INPP4B: variants seen among roughly 807,000 people sequenced by gnomAD.
INPP4B encodes the protein inositol polyphosphate 4-phosphatase type II.
INPP4B carries 55 observed loss-of-function variants against 122.5 expected under a neutral mutation model. That is an observed-to-expected ratio of 0.45 (90% CI 0.36 to 0.56). The LOEUF is 0.56. INPP4B is among the 20% of genes least tolerant of loss of function. INPP4B has a pLI of 0.00. For missense variants in INPP4B, 1,000 were observed against 1,097.7 expected, an observed-to-expected ratio of 0.91 and a Z score of 1.26; for synonymous variants, 403 against 388.7, an observed-to-expected ratio of 1.04 and a Z score of -0.43.
At chr4:142,630,829 T>C (rs1167971763) in intron 2 of INPP4B, among the ~76,000 whole-genome samples, 1 of 152,024 alleles carries the variant, frequency 6.6e-6, no homozygotes, top group Non-Finnish European at 1.5e-5. Context: ...TCTCTTTGGG[T>C]TGAGACATGA....
chr4:142,319,209 T>C (rs1475132966), intron 7 of INPP4B, among the ~76,000 whole-genome samples: 3 of 152,144 alleles, frequency 2.0e-5, no homozygotes. Flanking sequence ...AGAAGCATCC[T>C]CCCTCTGGAC....
chr4:142,839,212 C>T (rs1298418704), intron 1 of INPP4B, among the ~76,000 whole-genome samples: 5 of 152,196 alleles, frequency 3.3e-5, no homozygotes, highest in Admixed American at 2.6e-4. Flanking sequence ...AGTCCCATCA[C>T]TTTTGGAGGC....
intron 1 of INPP4B, among the ~76,000 whole-genome samples, chr4:142,830,659 C>G (rs970808140): frequency 6.6e-6 from 1 of 151,834 alleles, no homozygotes; most frequent in African/African-American, 2.4e-5. Flanking sequence ...CAGGAGGAAA[C>G]AGGATTGAAT....
chr4:142,659,958 G>C (rs1291262032), intron 2 of INPP4B, among the ~76,000 whole-genome samples: 2 of 151,512 alleles, frequency 1.3e-5, no homozygotes, highest in African/African-American at 4.9e-5. Flanking sequence ...AGGAAAACTG[G>C]ATGTTAAGGA....
chr4:142,819,317 T>C (rs1161579271), intron 1 of INPP4B, among the ~76,000 whole-genome samples: 2 of 152,156 alleles, frequency 1.3e-5, no homozygotes, highest in East Asian at 3.9e-4. Context: ...CCTGCAGAAA[T>C]TGTGCTGAGA....
At chr4:142,513,314 G>A (rs1403529158) in intron 2 of INPP4B, among the ~76,000 whole-genome samples, 2 of 152,070 alleles carry the variant, frequency 1.3e-5, no homozygotes, top group South Asian at 2.1e-4. Flanking sequence ...GGAAAGCTGG[G>A]AAGTACATAA....
At chr4:142,174,230 T>C (rs932366607) in intron 15 of INPP4B, among the ~76,000 whole-genome samples, 1 of 152,118 alleles carries the variant, frequency 6.6e-6, no homozygotes, top group Non-Finnish European at 1.5e-5. Context: ...GGTTTGTCAC[T>C]AACTAGCTTG....
At chr4:142,335,835 G>A (rs1259204679) in intron 7 of INPP4B, among the ~76,000 whole-genome samples, 3 of 152,204 alleles carry the variant, frequency 2.0e-5, no homozygotes, top group East Asian at 3.8e-4. Flanking sequence ...ATAGTGGCAG[G>A]AGACAGACAA....
intron 1 of INPP4B, among the ~76,000 whole-genome samples, chr4:142,750,225 A>G (rs1436027120): frequency 6.6e-6 from 1 of 152,078 alleles, no homozygotes; most frequent in Non-Finnish European, 1.5e-5. Flanking sequence ...AAATGCTCCT[A>G]CAAAATATTT....
At chr4:142,278,626 C>A (rs1488027013) in intron 9 of INPP4B, among the ~76,000 whole-genome samples, 1 of 151,764 alleles carries the variant, frequency 6.6e-6, no homozygotes, top group Non-Finnish European at 1.5e-5. Flanking sequence ...TTTCTCTATT[C>A]TCATGGCCCC....
intron 2 of INPP4B, among the ~76,000 whole-genome samples, chr4:142,469,561 A>G (rs1818431325): frequency 2.0e-5 from 3 of 152,174 alleles, no homozygotes; most frequent in South Asian, 2.1e-4. Context: ...CTGAATATTA[A>G]TAAAATGTTT....
chr4:142,167,271 C>A (rs1291548447), intron 16 of INPP4B, among the ~76,000 whole-genome samples: 1 of 151,706 alleles, frequency 6.6e-6, no homozygotes, highest in East Asian at 1.9e-4. Context: ...AAGCCATTAT[C>A]CTCAGCAAAC....
At chr4:142,250,059 C>A (rs1381338919) in intron 11 of INPP4B, among the ~76,000 whole-genome samples, 2 of 152,200 alleles carry the variant, frequency 1.3e-5, no homozygotes, top group African/African-American at 4.8e-5. Context: ...AAGAGCTTCA[C>A]ATGTTTATTA....
chr4:142,418,988 AAT>A (rs1806327772), intron 5 of INPP4B, among the ~76,000 whole-genome samples: 1 of 152,042 alleles, frequency 6.6e-6, no homozygotes, highest in South Asian at 2.1e-4. Context: ...TGAAATTCAG[AAT>A]ATGTTTTCAA....
chr4:142,669,220 A>G lies in INPP4B; in HGVS notation c.-191+56619T>C, dbSNP rs569048781. ...GTGTTCTTTGATTGGAAGAATTAAC[A>G]TTGTTAAATTGCTCATAGTACCCAA... On this transcript the variant is annotated intron_variant, in intron 2 of 25. Transcript: ENST00000262992. Among the ~76,000 whole-genome samples the G allele has an allele frequency of 2.6e-5, 4 of 152,328 alleles. No individual in the cohort carries two copies. The South Asian group carries it at 6.2e-4, about 24-fold the overall frequency.
At chr4:142,281,165 C>T (rs1020011070) in intron 9 of INPP4B, among the ~76,000 whole-genome samples, 2 of 151,356 alleles carry the variant, frequency 1.3e-5, no homozygotes, top group African/African-American at 4.9e-5. Context: ...AGTGCTACAC[C>T]TTTTAAACAC....
At chr4:142,645,773 C>A (rs1182636359) in intron 2 of INPP4B, among the ~76,000 whole-genome samples, 1 of 152,150 alleles carries the variant, frequency 6.6e-6, no homozygotes, top group Non-Finnish European at 1.5e-5. Context: ...TAAGCCACTG[C>A]CATTTTGGTT....
At chr4:142,393,153 C>A (rs567303729) in intron 7 of INPP4B, among the ~76,000 whole-genome samples, 1 of 152,046 alleles carries the variant, frequency 6.6e-6, no homozygotes, top group Non-Finnish European at 1.5e-5. Context: ...AGGCTGAAAA[C>A]CCCAAATGAT....
At chr4:142,732,085 A>T (rs904648449) in intron 1 of INPP4B, among the ~76,000 whole-genome samples, 10 of 152,184 alleles carry the variant, frequency 6.6e-5, no homozygotes, top group Non-Finnish European at 1.5e-4. Context: ...TTTAGCAAAA[A>T]GTTATCTCAG....
Sources: gnomAD v4.1 joint callset for allele counts (sites outside exome capture counted in the v4.1 genomes callset) on GRCh38, gnomAD v4.1.1 for gene constraint, MANE v1.5 for transcripts, NCBI Gene and HGNC (gene_info 2026-07-23, HGNC 2026-07-21) for gene names.